RYR3: variants seen among roughly 807,000 people sequenced by gnomAD.
RYR3 encodes ryanodine receptor 3.
A neutral mutation model predicts 584.3 loss-of-function variants in RYR3; 207 were observed. The ratio of observed to expected loss-of-function variants is 0.35; its 90% CI spans 0.32 to 0.40. RYR3 has a LOEUF of 0.40. Ranked by LOEUF, RYR3 falls within the 10% of genes least tolerant of loss-of-function variation. RYR3 has a pLI of 1.00. For synonymous variants in RYR3, 2,416 were observed against 2,248.5 expected, an observed-to-expected ratio of 1.07 and a Z score of -2.11; for missense variants, 5,616 against 6,089.2, an observed-to-expected ratio of 0.92 and a Z score of 2.59.
chr15:33,706,330 A>T (rs2066715000), intron 42 of RYR3, among the ~76,000 whole-genome samples: 1 of 152,192 alleles, frequency 6.6e-6, no homozygotes, highest in Non-Finnish European at 1.5e-5. Context: ...CTATCTCCAT[A>T]ACTCTTTTCA....
intron 11 of RYR3, among the ~76,000 whole-genome samples, 175 bp from the exon 12 acceptor site, chr15:33,566,503 C>A (rs1476388468): frequency 2.0e-5 from 3 of 152,186 alleles, no homozygotes; most frequent in African/African-American, 7.2e-5. Context: ...TCACATGTCA[C>A]TAATAGGGCG....
At chr15:33,577,282 G>A (rs1343840371) in intron 12 of RYR3, among the ~76,000 whole-genome samples, 1 of 152,044 alleles carries the variant, frequency 6.6e-6, no homozygotes, top group African/African-American at 2.4e-5. Flanking sequence ...AAATTCATGT[G>A]GAACCAGAAA....
intron 49 of RYR3, among the ~76,000 whole-genome samples, chr15:33,737,276 T>C (rs1334498809): frequency 6.6e-6 from 1 of 152,160 alleles, no homozygotes; most frequent in Non-Finnish European, 1.5e-5. Context: ...CTTTTTTTTA[T>C]TGTCTTGTTT....
chr15:33,814,900 C>CAA (rs66623531), intron 74 of RYR3, among the ~76,000 whole-genome samples: 25,864 of 91,510 alleles, frequency 0.28, 4,323 homozygotes, highest in African/African-American at 0.4. Context: ...GACTCTGTCT[C>CAA]AAAAAAAAAA....
intron 1 of RYR3, among the ~76,000 whole-genome samples, chr15:33,411,872 C>G (rs1170159107): frequency 2.0e-5 from 3 of 152,164 alleles, no homozygotes; most frequent in African/African-American, 4.8e-5. Context: ...ATAAGACTGT[C>G]AGACACTTGG....
intron 57 of RYR3, among the ~76,000 whole-genome samples, chr15:33,754,514 A>C (rs1295211639): frequency 6.6e-6 from 1 of 151,604 alleles, no homozygotes; most frequent in African/African-American, 2.4e-5. Flanking sequence ...CATATGGCTC[A>C]CCTCCTCATC....
Position 33,335,926 on chromosome 15 carries a change from T to G in RYR3, c.51+24830T>G, listed in dbSNP as rs116507837. On this transcript the variant is annotated intron_variant, in intron 1 of 103. Coordinates refer to ENST00000634891, the MANE Select transcript of RYR3 (RefSeq NM_001036.6). ...TAACATAAGATCTTAATTTAAAACC[T>G]AAAGAATAAACCTAAAGAAAGGAAC... Among the ~76,000 whole-genome samples, 1,121 of 151,654 alleles carry G rather than the reference T, an allele frequency of 7.4e-3. 14 individuals are homozygous for G. The highest frequency in any genetic ancestry group is 0.026 in the African/African-American group (1,064 of 41,380).
rs533598530 is a variant in RYR3 at position 33,726,299 on chromosome 15, C to T, written c.6913-87C>T. The stretch of plus-strand genomic sequence containing the variant: ...TAGAAATGGACCCCTGCCCTTAAGC[C>T]GTTTTACTGCCAGAGGTTTGGAGGT... On this transcript the variant is annotated intron_variant, in intron 45 of 103. Transcript: ENST00000634891. 1.4e-5 allele frequency: 21 copies of T among 1,482,574 alleles called. No homozygotes were observed. The Admixed American group carries it at 2.0e-4, about 14-fold the overall frequency. The allele number at this position is 1,482,574 out of a possible 1,614,324, so 91.8% of individuals were successfully genotyped here. A position where few individuals can be genotyped will look rare whatever the true frequency, so the allele number is the denominator to read the frequency against.
chr15:33,628,505 A>G lies in RYR3; in HGVS notation c.2609A>G (p.Asp870Gly). The change falls in exon 21 of 104, where the codon GAC (aspartate) becomes GGC (glycine). Residue 870 changes from aspartate to glycine, a missense_variant. Asp to Gly is a moderately conservative substitution (Grantham distance 94, BLOSUM62 -1). Around this residue, in one of 9 missense-constraint regions of RYR3, gnomAD observed 1,284 missense variants for 1,344.6 expected, o/e 0.95. Coordinates refer to ENST00000634891, the MANE Select transcript of RYR3 (RefSeq NM_001036.6). ...ILPPHLEKIR[D>G]RLAENIHELW... is the part of the protein sequence containing the mutation. ...CCACCTCACCTAGAAAAGATCCGAG[A>G]CAGACTAGCTGAAAACATCCATGAG... The G allele has an allele frequency of 6.2e-7, 1 of 1,613,742 alleles. No homozygotes were observed. Among genetic ancestry groups the G allele is most frequent in the South Asian group, 1.1e-5 (1 of 91,070 alleles).
intron 41 of RYR3, 29 bp downstream of exon 41, chr15:33,699,862 T>C: frequency 6.2e-7 from 1 of 1,600,900 alleles, no homozygotes; most frequent in Non-Finnish European, 8.5e-7. Flanking sequence ...AACTTCCACA[T>C]CCAAACTCGA....
At chr15:33,688,353 T>A (rs1484321406) in intron 38 of RYR3, among the ~76,000 whole-genome samples, 1 of 151,650 alleles carries the variant, frequency 6.6e-6, no homozygotes, top group East Asian at 1.9e-4. Context: ...GCAGGGCAGA[T>A]CACGAGACAG....
intron 38 of RYR3, among the ~76,000 whole-genome samples, chr15:33,675,935 G>C (rs1158648020): frequency 6.6e-6 from 1 of 151,982 alleles, no homozygotes; most frequent in African/African-American, 2.4e-5. Context: ...CTGGGTGAGA[G>C]GTTCTGAGGA....
At chr15:33,598,757 A>C (rs895097371) in intron 16 of RYR3, among the ~76,000 whole-genome samples, 1 of 121,018 alleles carries the variant, frequency 8.3e-6, no homozygotes, top group African/African-American at 2.9e-5. Context: ...AAAACTAAAA[A>C]AAAAAATAGG....
chr15:33,382,319 C>CTTGTT (rs2041248200), intron 1 of RYR3, among the ~76,000 whole-genome samples: 1 of 104,780 alleles, frequency 9.5e-6, no homozygotes, highest in Non-Finnish European at 1.8e-5. Flanking sequence ...TTAAAAGTGG[C>CTTGTT]TTTTTTTTTT....
intron 43 of RYR3, among the ~76,000 whole-genome samples, chr15:33,715,365 C>T (rs1204712789): frequency 6.6e-6 from 1 of 152,110 alleles, no homozygotes; most frequent in Non-Finnish European, 1.5e-5. Context: ...TCAGCAAGCT[C>T]TTGAAAAATT....
At chr15:33,618,891 G>A (rs1334352838) in intron 19 of RYR3, among the ~76,000 whole-genome samples, 1 of 152,148 alleles carries the variant, frequency 6.6e-6, no homozygotes, top group African/African-American at 2.4e-5. Flanking sequence ...GGAATTTGTA[G>A]TAGGTAGACC....
At chr15:33,688,639 G>T (rs2065192731) in intron 38 of RYR3, among the ~76,000 whole-genome samples, 1 of 151,184 alleles carries the variant, frequency 6.6e-6, no homozygotes, top group Non-Finnish European at 1.5e-5. Flanking sequence ...CATCATCACT[G>T]GTCATCAGAG....
chr15:33,519,802 G>A (rs773866572), intron 3 of RYR3, among the ~76,000 whole-genome samples: 13 of 152,028 alleles, frequency 8.6e-5, no homozygotes, highest in Non-Finnish European at 1.3e-4. Flanking sequence ...AGGAGCATCC[G>A]TTCTGTCTAT....
rs34565506 is a variant in RYR3, at chr15:33,593,027, C to T, written c.1788+6911C>T. Among the ~76,000 whole-genome samples, 1,411 of 152,226 alleles carry T rather than the reference C, an allele frequency of 9.3e-3. 22 individuals carry two copies. The highest frequency in any genetic ancestry group is 0.032 in the African/African-American group (1,320 of 41,544). ...CAACTTGAAGCAAAGGCAGGAAGAC[C>T]GGAAGCTGAGAGGGAGCTTCCAGGT... On this transcript the variant is annotated intron_variant, in intron 16 of 103. Coordinates refer to ENST00000634891, the MANE Select transcript of RYR3 (RefSeq NM_001036.6).
Sources: gnomAD v4.1 joint callset for allele counts (sites outside exome capture counted in the v4.1 genomes callset) on GRCh38, gnomAD v4.1.1 for gene constraint, gnomAD v4.1.1 regional missense constraint, MANE v1.5 for transcripts, NCBI Gene and HGNC (gene_info 2026-07-23, HGNC 2026-07-21) for gene names.